RBM3: variants seen among roughly 807,000 people sequenced by gnomAD.
RBM3 encodes RNA binding motif protein 3.
In RBM3, 3 loss-of-function variants were observed where a neutral mutation model predicts 12.0. The observed-to-expected ratio is 0.25, with a 90% CI of 0.11 to 0.65. RBM3 has a LOEUF of 0.65. Among genes scored for constraint, RBM3 ranks in the 30% least tolerant of loss-of-function variants. RBM3 has a pLI of 0.84. For synonymous variants in RBM3, 58 were observed against 45.7 expected, an observed-to-expected ratio of 1.27 and a Z score of -1.08; for missense variants, 108 against 134.5, an observed-to-expected ratio of 0.80 and a Z score of 0.97.
intron 5 of RBM3, 68 bp downstream of exon 5, chrX:48,576,672 G>A: frequency 8.8e-7 from 1 of 1,136,169 alleles, no homozygotes; most frequent in East Asian, 3.3e-5. Context: ...GCGCCTGGGT[G>A]TTCATGCATA....
rs1489323644 is a variant in RBM3, at chrX:48,579,198, C to A, written c.*1757C>A. ...TGTATTGAGGCCCCATGGGTGTTAT[C>A]CCTCCATTGGTTCTAGTTTGGAACA... On this transcript the variant is annotated 3_prime_UTR_variant, in exon 7 of 7. Transcript: ENST00000376759. 9.0e-6 allele frequency: 1 copy of A among 111,270 alleles called. No homozygotes were observed. The highest frequency in any genetic ancestry group is 1.9e-5 in the Non-Finnish European group (1 of 53,011). The allele number at this position is 111,270 out of a possible 1,213,427, so 9.2% of individuals were successfully genotyped here. A position where few individuals can be genotyped will look rare whatever the true frequency, so the allele number is the denominator to read the frequency against.
Position 48,578,506 on chromosome X carries a change from G to A in RBM3, c.*1065G>A, listed in dbSNP as rs1354701509. 2.7e-5 allele frequency: 3 copies of A among 110,221 alleles called. No homozygotes were observed. In the Admixed American group the frequency reaches 2.9e-4, roughly 11 times the overall value. The allele number at this position is 110,221 out of a possible 1,213,427, so 9.1% of individuals were successfully genotyped here. A position where few individuals can be genotyped will look rare whatever the true frequency, so the allele number is the denominator to read the frequency against. On this transcript the variant is annotated 3_prime_UTR_variant, in exon 7 of 7. Transcript: ENST00000376759. ...GAGAATTGCTTGAACCCAGGAGGCG[G>A]AAGTTGCAGTGAGCTGAGATTGTGC...
chrX:48,576,239 T>TA (rs2062079224), intron 3 of RBM3, 75 bp from the exon 4 acceptor site: 2 of 1,168,922 alleles, frequency 1.7e-6, no homozygotes, highest in South Asian at 1.9e-5. Context: ...TTTGCCCACT[T>TA]ACCCTTGCCT....
chrX:48,577,309 C>T, intron 6 of RBM3, 156 bp from the exon 7 acceptor site: 1 of 973,612 alleles, frequency 1.0e-6, no homozygotes, highest in Non-Finnish European at 1.4e-6. Context: ...ATCTGAAAAC[C>T]CATCTCCTAT....
rs1391225570 is a variant in RBM3 at position 48,575,012 on chromosome X, A to T, written c.-13-156A>T. ...AGCCAGCTCCTCAGATTACCACCTTATTGGCCGCCTTTCTCAGCTTTTCTG... is the reference window on the plus strand; with the variant it reads ...AGCCAGCTCCTCAGATTACCACCTTTTTGGCCGCCTTTCTCAGCTTTTCTG... On this transcript the variant is annotated intron_variant, in intron 1 of 6. Coordinates refer to ENST00000376759, the MANE Select transcript of RBM3 (RefSeq NM_006743.5). 8.5e-6 allele frequency: 4 copies of T among 467,975 alleles called. No homozygotes were observed. In the African/African-American group the frequency reaches 9.6e-5, roughly 11 times the overall value. The allele number at this position is 467,975 out of a possible 1,213,427, so 38.6% of individuals were successfully genotyped here.
In RBM3 at chrX:48,580,869, A is replaced by G. The variant is rs1235162462; in HGVS notation, c.*3428A>G. Reference sequence around the variant, plus strand: ...GTATATAAAAAAACATTGGTTGACAATAAGCCAGTGTTCTGCCATTCTTAC... The same window carrying G: ...GTATATAAAAAAACATTGGTTGACAGTAAGCCAGTGTTCTGCCATTCTTAC... On this transcript the variant is annotated 3_prime_UTR_variant, in exon 7 of 7. Coordinates refer to ENST00000376759, the MANE Select transcript of RBM3 (RefSeq NM_006743.5). 1.8e-5 allele frequency: 2 copies of G among 111,624 alleles called. No individual in the cohort carries two copies. Among genetic ancestry groups the G allele is most frequent in the African/African-American group, 3.3e-5 (1 of 30,660 alleles). 9.2% of individuals were successfully genotyped at this position (111,624 alleles called of 1,213,427 possible). A position where few individuals can be genotyped will look rare whatever the true frequency, so the allele number is the denominator to read the frequency against.
intron 3 of RBM3, chrX:48,576,112 A>G (rs1602131719): frequency 2.6e-6 from 3 of 1,153,047 alleles, no homozygotes; most frequent in Non-Finnish European, 2.3e-6. Flanking sequence ...AACATGGTGC[A>G]TTCAGGTCAT....
Position 48,578,200 on chromosome X carries a change from A to G in RBM3, c.*759A>G, listed in dbSNP as rs1556989828. 1 of 110,458 alleles carries G rather than the reference A, an allele frequency of 9.1e-6. No homozygotes were observed. 9.1% of individuals were successfully genotyped at this position (110,458 alleles called of 1,213,427 possible). On this transcript the variant is annotated 3_prime_UTR_variant, in exon 7 of 7. Coordinates refer to ENST00000376759, the MANE Select transcript of RBM3 (RefSeq NM_006743.5). ...TGTTTGCAAATGTCTTTTTTTTTTT[A>G]ATACTGGAAGAAAAAATATTCTGTT...
intron 5 of RBM3, among the ~76,000 whole-genome samples, 193 bp downstream of exon 5, chrX:48,576,797 G>A (rs1444604866): frequency 8.9e-6 from 1 of 112,152 alleles, no homozygotes; most frequent in Admixed American, 9.5e-5. Flanking sequence ...ATGTTGTGCT[G>A]TGTGGGTTAT....
rs782230465 is a variant in RBM3 at position 48,580,842 on chromosome X, A to T, written c.*3401A>T. On this transcript the variant is annotated 3_prime_UTR_variant, in exon 7 of 7. Transcript: ENST00000376759. ...TAAAATAAGTTGCTGTGAATACTTC[A>T]GGTATATAAAAAAACATTGGTTGAC... 9.0e-6 allele frequency: 1 copy of T among 111,683 alleles called. No individual in the cohort carries two copies. Among genetic ancestry groups the T allele is most frequent in the South Asian group, 3.7e-4 (1 of 2,723 alleles). The allele number at this position is 111,683 out of a possible 1,213,427, so 9.2% of individuals were successfully genotyped here.
rs782434075 is a variant in RBM3, at chrX:48,577,531, G to A, written c.*90G>A. 3.0e-6 allele frequency: 3 copies of A among 986,355 alleles called. No individual in the cohort carries two copies. The highest frequency in any genetic ancestry group is 4.1e-5 in the South Asian group (2 of 49,262). 81.3% of individuals were successfully genotyped at this position (986,355 alleles called of 1,213,427 possible). On this transcript the variant is annotated 3_prime_UTR_variant, in exon 7 of 7. Coordinates refer to ENST00000376759, the MANE Select transcript of RBM3 (RefSeq NM_006743.5). ...ATGGCTGTATTTATAAAGGTTTTTG[G>A]AGCTGCACCGAAGCATCTTATTTTA...
rs1556989303 is a variant in RBM3, at chrX:48,576,553, G to A, written c.362G>A (p.Arg121Gln). 3.4e-6 allele frequency: 4 copies of A among 1,184,702 alleles called. No homozygotes were observed. Among genetic ancestry groups the A allele is most frequent in the Non-Finnish European group, 2.3e-6 (2 of 881,526 alleles). Residue 121 changes from arginine to glutamine, a missense_variant, in exon 5 of 7, where the codon CGA becomes CAA. This residue lies in a region of RBM3 where 65 missense variants were observed against 54.9 expected (regional missense o/e 1.18). Coordinates refer to ENST00000376759, the MANE Select transcript of RBM3 (RefSeq NM_006743.5). ...GYGSGRYYDSRPGGYGYGYGR... is the reference protein window; with the variant it reads ...GYGSGRYYDSQPGGYGYGYGR... ...GGGAGTGGCAGGTATTATGACAGTC[G>A]ACCTGGAGGGTATGGATATGGATAT...
intron 5 of RBM3, among the ~76,000 whole-genome samples, 198 bp from the exon 6 acceptor site, chrX:48,576,828 T>C (rs782281526): frequency 1.8e-5 from 2 of 112,502 alleles, no homozygotes; most frequent in Admixed American, 1.9e-4. Flanking sequence ...TGCTTTAACA[T>C]GTAATATGAT....
At chrX:48,577,318 A>G (rs1404619504) in intron 6 of RBM3, 147 bp from the exon 7 acceptor site, 7 of 944,329 alleles carry the variant, frequency 7.4e-6, no homozygotes, top group South Asian at 2.5e-5. Context: ...CCCATCTCCT[A>G]TAATCTTCTA....
chrX:48,578,355 C>A lies in RBM3; in HGVS notation c.*914C>A, dbSNP rs1438811670. ...GTGGGGGCAGAGGTGGGCGGATCACCTGAGGTCAGGAGTTCGAGACCAGCC... is the reference window on the plus strand; with the variant it reads ...GTGGGGGCAGAGGTGGGCGGATCACATGAGGTCAGGAGTTCGAGACCAGCC... On this transcript the variant is annotated 3_prime_UTR_variant, in exon 7 of 7. Transcript: ENST00000376759. 1.8e-5 allele frequency: 2 copies of A among 110,965 alleles called. No homozygotes were observed. The highest frequency in any genetic ancestry group is 3.8e-5 in the Non-Finnish European group (2 of 52,978). 9.1% of individuals were successfully genotyped at this position (110,965 alleles called of 1,213,427 possible). A position where few individuals can be genotyped will look rare whatever the true frequency, so the allele number is the denominator to read the frequency against.
Position 48,576,524 on chromosome X carries a change from C to T in RBM3, c.333C>T (p.Gly111=). 1 of 1,195,225 alleles carries T rather than the reference C, an allele frequency of 8.4e-7. No homozygotes were observed. Residue 111 remains glycine, a synonymous_variant, in exon 5 of 7, where the codon GGC becomes GGT. Transcript: ENST00000376759. ...CTGCTCTAGGTGGTGGGGACCAGGG[C>T]TATGGGAGTGGCAGGTATTATGACA... ...RSYSRGGGDQ[G]YGSGRYYDSR...
chrX:48,579,208 G>A lies in RBM3; in HGVS notation c.*1767G>A, dbSNP rs782281325. The A allele has an allele frequency of 1.5e-3, 167 of 111,444 alleles. No homozygotes were observed. Among genetic ancestry groups the A allele is most frequent in the African/African-American group, 5.2e-3 (161 of 30,732 alleles). The allele number at this position is 111,444 out of a possible 1,213,427, so 9.2% of individuals were successfully genotyped here. A position where few individuals can be genotyped will look rare whatever the true frequency, so the allele number is the denominator to read the frequency against. On this transcript the variant is annotated 3_prime_UTR_variant, in exon 7 of 7. Coordinates refer to ENST00000376759, the MANE Select transcript of RBM3 (RefSeq NM_006743.5). Reference sequence around the variant, plus strand: ...CCCCATGGGTGTTATCCCTCCATTGGTTCTAGTTTGGAACAGAAAAATCTG... The same window carrying A: ...CCCCATGGGTGTTATCCCTCCATTGATTCTAGTTTGGAACAGAAAAATCTG...
rs1360376557 is a variant in RBM3 at position 48,578,785 on chromosome X, C to G, written c.*1344C>G. 9.0e-6 allele frequency: 1 copy of G among 111,399 alleles called. No individual in the cohort carries two copies. The allele number at this position is 111,399 out of a possible 1,213,427, so 9.2% of individuals were successfully genotyped here. A position where few individuals can be genotyped will look rare whatever the true frequency, so the allele number is the denominator to read the frequency against. Reference sequence around the variant, plus strand: ...CTAATCCCTATCATAAATAGTGGTACCAGTTCATTCCTTCCCCTGAAATGA... The same window carrying G: ...CTAATCCCTATCATAAATAGTGGTAGCAGTTCATTCCTTCCCCTGAAATGA... On this transcript the variant is annotated 3_prime_UTR_variant, in exon 7 of 7. Transcript: ENST00000376759.
Position 48,579,615 on chromosome X carries a change from C to G in RBM3, c.*2174C>G, listed in dbSNP as rs1569486051. 9.0e-6 allele frequency among the ~76,000 whole-genome samples: 1 copy of G among 111,624 alleles called. No homozygotes were observed. Among genetic ancestry groups the G allele is most frequent in the Non-Finnish European group, 1.9e-5 (1 of 53,109 alleles). ...AAGGCAGTGAGAATTGGCAGGAGGA[C>G]TGCTGTGAATGCCTTGTAGGTCGGG... On this transcript the variant is annotated 3_prime_UTR_variant, in exon 7 of 7. Coordinates refer to ENST00000376759, the MANE Select transcript of RBM3 (RefSeq NM_006743.5).
Sources: allele counts gnomAD v4.1 joint callset (sites outside exome capture counted in the v4.1 genomes callset), GRCh38; gene constraint gnomAD v4.1.1; regional missense constraint gnomAD v4.1.1; transcripts MANE v1.5; gene names NCBI Gene and HGNC (gene_info 2026-07-23, HGNC 2026-07-21).